Variants in PLXNA4 observed in about 807,000 individuals in gnomAD.
PLXNA4 encodes the protein plexin-A4.
A neutral mutation model predicts 191.8 loss-of-function variants in PLXNA4; 44 were observed. The observed-to-expected ratio is 0.23, with a 90% CI of 0.18 to 0.29. The LOEUF (loss-of-function observed/expected upper bound fraction) is 0.29, where lower values mean the gene tolerates loss of function less well. Ranked by LOEUF, PLXNA4 falls within the 10% of genes least tolerant of loss-of-function variation. The pLI is 1.00. For synonymous variants in PLXNA4, 1,082 were observed against 1,009.5 expected, an observed-to-expected ratio of 1.07 and a Z score of -1.36; for missense variants, 1,800 against 2,488.8, an observed-to-expected ratio of 0.72 and a Z score of 5.89.
rs3057256 is a variant in PLXNA4 at position 132,274,766 on chromosome 7, CTT to C, written c.1503+23323_1503+23324del. 5.6e-3 allele frequency among the ~76,000 whole-genome samples: 598 copies of C among 106,182 alleles called. 8 individuals are homozygous for C. Among genetic ancestry groups the C allele is most frequent in the African/African-American group, 0.021 (558 of 27,092 alleles). The allele number at this position is 106,182 out of a possible 152,430, so 69.7% of individuals were successfully genotyped here. On this transcript the variant is annotated intron_variant, in intron 4 of 31. Coordinates refer to ENST00000321063, the MANE Select transcript of PLXNA4 (RefSeq NM_020911.2). ...GATATTGTGCCCTTCTCAGTGCATC[CTT>C]TTTTTTTTTTTTTTTTTTTTTAAGA...
chr7:132,647,345 TCACA>T (rs1218025018), intron 1 of PLXNA4, among the ~76,000 whole-genome samples: 1 of 137,668 alleles, frequency 7.3e-6, no homozygotes, highest in Non-Finnish European at 1.6e-5. Context: ...ACATATACAC[TCACA>T]CATACACTGA....
At chr7:132,493,932 C>T (rs1797905632) in intron 2 of PLXNA4, among the ~76,000 whole-genome samples, 1 of 152,230 alleles carries the variant, frequency 6.6e-6, no homozygotes, top group Non-Finnish European at 1.5e-5. Context: ...CTTAACCTCC[C>T]TGTGCCTTAA....
chr7:132,292,925 CAG>C (rs1340158790), intron 4 of PLXNA4, among the ~76,000 whole-genome samples: 3 of 152,138 alleles, frequency 2.0e-5, no homozygotes, highest in Non-Finnish European at 4.4e-5. Context: ...CAGGAAAAGC[CAG>C]AGAGTTTTCA....
chr7:132,456,060 A>G (rs934272337), intron 3 of PLXNA4, among the ~76,000 whole-genome samples: 4 of 149,528 alleles, frequency 2.7e-5, no homozygotes, highest in African/African-American at 9.9e-5. Context: ...AACCATTTAT[A>G]TGTATTTCTG....
chr7:132,612,724 C>CATTT (rs1467775548), intron 2 of PLXNA4, among the ~76,000 whole-genome samples: 1 of 148,916 alleles, frequency 6.7e-6, no homozygotes, highest in Non-Finnish European at 1.5e-5. Flanking sequence ...GCACTACTGA[C>CATTT]ATTTTGTGCA....
At chr7:132,414,211 G>C (rs1794572385) in intron 3 of PLXNA4, among the ~76,000 whole-genome samples, 1 of 152,206 alleles carries the variant, frequency 6.6e-6, no homozygotes, top group Non-Finnish European at 1.5e-5. Flanking sequence ...GATGAACCCT[G>C]TTGCTGTTGT....
chr7:132,472,708 A>T (rs1477522230), intron 3 of PLXNA4, among the ~76,000 whole-genome samples: 1 of 152,238 alleles, frequency 6.6e-6, no homozygotes, highest in Non-Finnish European at 1.5e-5. Flanking sequence ...AAAGCTGGGA[A>T]GTGGACGTCA....
intron 3 of PLXNA4, among the ~76,000 whole-genome samples, chr7:132,450,228 C>T (rs1028699673): frequency 9.2e-5 from 14 of 152,180 alleles, no homozygotes; most frequent in Non-Finnish European, 1.3e-4. Context: ...GAATTTAATG[C>T]AGCCACACAG....
At chr7:132,174,673 C>T (rs1292936320) in intron 21 of PLXNA4, 105 bp downstream of exon 21, 1 of 1,522,678 alleles carries the variant, frequency 6.6e-7, no homozygotes. Context: ...CAAGTTGTGT[C>T]CCCTCCCTGG....
intron 3 of PLXNA4, among the ~76,000 whole-genome samples, chr7:132,395,387 T>C (rs996309754): frequency 6.6e-6 from 1 of 152,184 alleles, no homozygotes; most frequent in African/African-American, 2.4e-5. Flanking sequence ...TCTGAGGCCC[T>C]GTGAGAGGAA....
intron 3 of PLXNA4, among the ~76,000 whole-genome samples, chr7:132,421,778 A>G (rs983419281): frequency 6.6e-5 from 10 of 152,180 alleles, no homozygotes; most frequent in South Asian, 2.1e-4. Flanking sequence ...AGTATCCCAA[A>G]TAAACCCTAG....
intron 10 of PLXNA4, among the ~76,000 whole-genome samples, chr7:132,205,930 G>T (rs367940707): frequency 9.2e-5 from 14 of 152,336 alleles, no homozygotes; most frequent in African/African-American, 2.4e-4. Context: ...GGAAGGCAAA[G>T]AATCCTACAT....
chr7:132,221,106 GC>G, intron 9 of PLXNA4, among the ~76,000 whole-genome samples: 1 of 152,010 alleles, frequency 6.6e-6, no homozygotes, highest in Non-Finnish European at 1.5e-5. Context: ...ACCTTGGCCT[GC>G]CAAAGTGCTG....
At chr7:132,415,222 C>G (rs1794619851) in intron 3 of PLXNA4, among the ~76,000 whole-genome samples, 1 of 152,194 alleles carries the variant, frequency 6.6e-6, no homozygotes, top group South Asian at 2.1e-4. Context: ...CAAGGGCCTG[C>G]CTGGAATTAA....
intron 2 of PLXNA4, among the ~76,000 whole-genome samples, chr7:132,495,160 T>C (rs1457953269): frequency 6.6e-6 from 1 of 152,114 alleles, no homozygotes; most frequent in East Asian, 1.9e-4. Context: ...CAGCCCCTGG[T>C]GTGAGTCCTG....
intron 4 of PLXNA4, among the ~76,000 whole-genome samples, chr7:132,263,158 G>C (rs1419382834): frequency 6.6e-6 from 1 of 152,206 alleles, no homozygotes; most frequent in Non-Finnish European, 1.5e-5. Context: ...GGTATCCACA[G>C]CTTTCCTGTT....
chr7:132,145,343 G>C, intron 28 of PLXNA4, 55 bp from the exon 29 acceptor site: 1 of 1,605,812 alleles, frequency 6.2e-7, no homozygotes, highest in Non-Finnish European at 8.5e-7. Flanking sequence ...TCTGAGGATG[G>C]CTTTTAAAAC....
intron 4 of PLXNA4, among the ~76,000 whole-genome samples, chr7:132,277,287 G>C (rs1800316834): frequency 6.6e-6 from 1 of 152,170 alleles, no homozygotes; most frequent in South Asian, 2.1e-4. Flanking sequence ...GGTGAAGAAA[G>C]GGTCATTTCA....
intron 3 of PLXNA4, among the ~76,000 whole-genome samples, chr7:132,438,485 T>C (rs921400387): frequency 1.3e-5 from 2 of 152,240 alleles, no homozygotes; most frequent in African/African-American, 4.8e-5. Flanking sequence ...CAGTTCATAT[T>C]ACCCAGTTAA....
Sources: gnomAD v4.1 joint callset for allele counts (sites outside exome capture counted in the v4.1 genomes callset) on GRCh38, gnomAD v4.1.1 for gene constraint, MANE v1.5 for transcripts, NCBI Gene and HGNC (gene_info 2026-07-23, HGNC 2026-07-21) for gene names.